AOPEP: variants seen among roughly 807,000 people sequenced by gnomAD.
The protein encoded by AOPEP is aminopeptidase O.
In AOPEP, 77 loss-of-function variants were observed where a neutral mutation model predicts 98.1. The ratio of observed to expected loss-of-function variants is 0.78; its 90% CI spans 0.65 to 0.95. The LOEUF (loss-of-function observed/expected upper bound fraction) is 0.95. AOPEP is among the 40% of genes least tolerant of loss of function. The pLI is 0.00. For synonymous variants in AOPEP, 346 were observed against 365.3 expected (o/e 0.95, Z 0.60); for missense variants, 1,024 against 1,024.7 (o/e 1.00, Z 0.01).
the AOPEP span, among the ~76,000 whole-genome samples, chr9:95,142,807 C>T: frequency 6.6e-6 from 1 of 152,168 alleles, no homozygotes; most frequent in Non-Finnish European, 1.5e-5. Context: ...ATGTCAGTCA[C>T]TCCCACTACT....
chr9:95,113,025 C>G, the AOPEP span, among the ~76,000 whole-genome samples: 3 of 152,222 alleles, frequency 2.0e-5, no homozygotes, highest in Non-Finnish European at 2.9e-5. Flanking sequence ...GCTGTTTATG[C>G]CACCTGCATC....
At chr9:94,815,352 C>T (rs1851471720) in intron 5 of AOPEP, among the ~76,000 whole-genome samples, 1 of 152,206 alleles carries the variant, frequency 6.6e-6, no homozygotes, top group Non-Finnish European at 1.5e-5. Flanking sequence ...ACACCCATGA[C>T]AGTGCAGCTT....
chr9:95,123,566 G>A, the AOPEP span: 29 of 559,160 alleles, frequency 5.2e-5, no homozygotes, highest in Non-Finnish European at 7.7e-5. Context: ...AAAGGGCCGC[G>A]GCCACGTGCA....
intron 2 of AOPEP, among the ~76,000 whole-genome samples, chr9:94,763,981 T>G (rs1018461809): frequency 6.6e-6 from 1 of 152,152 alleles, no homozygotes; most frequent in Non-Finnish European, 1.5e-5. Context: ...TCCTCACTCC[T>G]TAAGTGTGGA....
intron 14 of AOPEP, among the ~76,000 whole-genome samples, chr9:95,079,270 G>C (rs76218453): frequency 0.012 from 1,904 of 152,372 alleles, 41 homozygotes; most frequent in African/African-American, 0.043. Flanking sequence ...GTAGATTAAA[G>C]GAGAGATCTG....
chr9:94,931,352 C>G (rs2055269948), intron 7 of AOPEP, among the ~76,000 whole-genome samples: 1 of 152,018 alleles, frequency 6.6e-6, no homozygotes, highest in African/African-American at 2.4e-5. Context: ...TTAGGCTAAC[C>G]ATGAATTGAC....
rs183938721 is a variant in AOPEP, at chr9:94,838,305, G to A, written c.1364+37303G>A. Among the ~76,000 whole-genome samples, 92 of 152,220 alleles carry A rather than the reference G, an allele frequency of 6.0e-4. No individual in the cohort carries two copies. In the East Asian group the frequency reaches 0.013, roughly 21 times the overall value. ...TTACAGGCGTGAGCCACTGTGCCTG[G>A]CCAAAAAACCCAATAATGTTTTAAC... On this transcript the variant is annotated intron_variant, in intron 5 of 16. Coordinates refer to ENST00000375315, the MANE Select transcript of AOPEP (RefSeq NM_001193329.3).
the AOPEP span, among the ~76,000 whole-genome samples, chr9:95,112,665 C>T: frequency 6.6e-6 from 1 of 152,198 alleles, no homozygotes; most frequent in South Asian, 2.1e-4. Context: ...ATGCACAGAG[C>T]AGTGAGGCTC....
chr9:95,015,816 A>G (rs1162347061), intron 13 of AOPEP, among the ~76,000 whole-genome samples: 1 of 152,130 alleles, frequency 6.6e-6, no homozygotes, highest in Non-Finnish European at 1.5e-5. Context: ...CATAATTTGT[A>G]TTCTCAAAAT....
chr9:95,107,118 A>T, the AOPEP span: 1 of 1,614,130 alleles, frequency 6.2e-7, no homozygotes, highest in Non-Finnish European at 8.5e-7. Context: ...CCAGAGCAGG[A>T]AGTTGAGGAG....
At chr9:94,758,308 G>A (rs1187932090) in intron 1 of AOPEP, among the ~76,000 whole-genome samples, 3 of 152,320 alleles carry the variant, frequency 2.0e-5, no homozygotes, top group African/African-American at 7.2e-5. Flanking sequence ...AAGGATGCAA[G>A]GGAATGTTGT....
chr9:94,983,959 G>A (rs1271550936), intron 11 of AOPEP, among the ~76,000 whole-genome samples: 1 of 150,426 alleles, frequency 6.6e-6, no homozygotes. Flanking sequence ...TAGATGCTCA[G>A]GAGCTCACCG....
intron 10 of AOPEP, among the ~76,000 whole-genome samples, chr9:94,975,888 G>T (rs1188259591): frequency 6.6e-6 from 1 of 152,180 alleles, no homozygotes; most frequent in Non-Finnish European, 1.5e-5. Context: ...CTGGAGGCCA[G>T]CCCCACTGAG....
At chr9:94,973,316 T>C (rs10993421) in intron 10 of AOPEP, among the ~76,000 whole-genome samples, 5,252 of 152,326 alleles carry the variant, frequency 0.034, 143 homozygotes, top group Non-Finnish European at 0.051. Context: ...ATCCATCCTA[T>C]AATCCCCATT....
At chr9:95,033,132 C>T (rs1178237703) in intron 13 of AOPEP, among the ~76,000 whole-genome samples, 4 of 152,168 alleles carry the variant, frequency 2.6e-5, no homozygotes, top group Admixed American at 1.3e-4. Flanking sequence ...CTGTTAATCT[C>T]GGAGACGGTT....
At position 94,885,348 on chromosome 9, in the gene AOPEP, C is replaced by CA. The variant is rs71366268; in HGVS notation, c.1365-38596dup. On this transcript the variant is annotated intron_variant, in intron 5 of 16. Coordinates refer to ENST00000375315, the MANE Select transcript of AOPEP (RefSeq NM_001193329.3). ...TGGGTGACAGAGTGAGATCCTGTCTCAAAAAAAAAAAAAAAAAAAAAAAAA... is the reference window on the plus strand; with the variant it reads ...TGGGTGACAGAGTGAGATCCTGTCTCAAAAAAAAAAAAAAAAAAAAAAAAAA... 3.8e-3 allele frequency among the ~76,000 whole-genome samples: 137 copies of CA among 35,982 alleles called. 34 individuals carry two copies. The highest frequency in any genetic ancestry group is 0.011 in the Admixed American group (18 of 1,622). The allele number at this position is 35,982 out of a possible 152,430, so 23.6% of individuals were successfully genotyped here. A position where few individuals can be genotyped will look rare whatever the true frequency, so the allele number is the denominator to read the frequency against.
intron 5 of AOPEP, among the ~76,000 whole-genome samples, chr9:94,849,719 A>G (rs550930732): frequency 4.6e-5 from 7 of 152,076 alleles, no homozygotes; most frequent in African/African-American, 1.7e-4. Flanking sequence ...ACAGTTCACA[A>G]TTGGGTTTGT....
intron 3 of AOPEP, among the ~76,000 whole-genome samples, chr9:94,781,276 G>A (rs567031535): frequency 3.3e-5 from 5 of 152,194 alleles, no homozygotes; most frequent in Non-Finnish European, 5.9e-5. Context: ...ACTATTGAGC[G>A]CAGAGACCCA....
chr9:94,741,651 A>G (rs905213939), intron 1 of AOPEP, among the ~76,000 whole-genome samples: 3 of 152,044 alleles, frequency 2.0e-5, no homozygotes, highest in African/African-American at 7.2e-5. Flanking sequence ...GTATGGTTCT[A>G]TAGAGAGGAG....
Sources: gnomAD v4.1 joint callset for allele counts (sites outside exome capture counted in the v4.1 genomes callset) on GRCh38, gnomAD v4.1.1 for gene constraint, MANE v1.5 for transcripts, NCBI Gene and HGNC (gene_info 2026-07-23, HGNC 2026-07-21) for gene names.